ZNF333: variants seen among roughly 807,000 people sequenced by gnomAD.
ZNF333 encodes the protein zinc finger protein 333.
ZNF333 carries 61 observed loss-of-function variants against 76.1 expected under a neutral mutation model. The ratio of observed to expected loss-of-function variants is 0.80; its 90% CI spans 0.65 to 0.99. The LOEUF is 0.99. Ranked by LOEUF, ZNF333 falls within the 50% of genes least tolerant of loss-of-function variation. ZNF333 has a pLI of 0.00. For missense variants in ZNF333, 717 were observed against 822.4 expected (o/e 0.87, Z 1.57); for synonymous variants, 284 against 305.0 (o/e 0.93, Z 0.72).
chr19:14,701,662 T>C, intron 5 of ZNF333: 1 of 985,346 alleles, frequency 1.0e-6, no homozygotes, highest in Non-Finnish European at 1.2e-6. Context: ...TTCTGTGGGC[T>C]CTCTCCTTTC....
intron 7 of ZNF333, among the ~76,000 whole-genome samples, chr19:14,714,007 G>T (rs1314805353): frequency 6.6e-6 from 1 of 152,128 alleles, no homozygotes; most frequent in Non-Finnish European, 1.5e-5. Flanking sequence ...GCACACATCA[G>T]TGGGATTTCC....
chr19:14,727,176 C>A (rs779197317), intron 11 of ZNF333, among the ~76,000 whole-genome samples: 4 of 151,904 alleles, frequency 2.6e-5, no homozygotes, highest in African/African-American at 9.7e-5. Flanking sequence ...TACAGGTGTC[C>A]GCCACCACGC....
chr19:14,727,112 C>T lies in ZNF333; in HGVS notation c.901-4063C>T, dbSNP rs543397767. Among the ~76,000 whole-genome samples the T allele has an allele frequency of 2.7e-5, 4 of 149,870 alleles. No homozygotes were observed. In the East Asian group the frequency reaches 7.8e-4, roughly 29 times the overall value. On this transcript the variant is annotated intron_variant, in intron 11 of 11. Transcript: ENST00000540689. ...GCGCAATCTTGGCTCACTACAAGCT[C>T]CGCCTCCTGGGTTCACACCATTCTC...
In ZNF333 at chr19:14,719,517, G is replaced by A. The variant is rs1028617585; in HGVS notation, c.*192G>A. 33 of 1,073,208 alleles carry A rather than the reference G, an allele frequency of 3.1e-5. No individual in the cohort carries two copies. The highest frequency in any genetic ancestry group is 6.4e-5 in the African/African-American group (4 of 62,384). The allele number at this position is 1,073,208 out of a possible 1,614,324, so 66.5% of individuals were successfully genotyped here. ...TTAGATTTTTCAAAACTAATATGTG[G>A]ATATATTTTCATAGAGGTATAATGA... On this transcript the variant is annotated 3_prime_UTR_variant, in exon 12 of 12. Transcript: ENST00000292530.
At chr19:14,727,269 C>T (rs965593632) in intron 11 of ZNF333, among the ~76,000 whole-genome samples, 3 of 152,110 alleles carry the variant, frequency 2.0e-5, no homozygotes, top group Non-Finnish European at 4.4e-5. Context: ...ACCTTGTGAT[C>T]CGCCCGCCTT....
chr19:14,716,211 G>A lies in ZNF333; in HGVS notation c.700G>A (p.Glu234Lys), dbSNP rs1287341729. ...QRSLYRDVML[E>K]NYRNLASVAD... ...GAGCCTGTATAGAGATGTGATGCTG[G>A]AGAACTACAGGAACCTGGCCTCTGT... is the stretch of plus-strand genomic sequence containing the variant. The change falls in exon 9 of 12, where the codon GAG (glutamate) becomes AAG (lysine). Residue 234 changes from glutamate to lysine, a missense_variant. By Grantham distance (56) the Glu-to-Lys change is moderately conservative (BLOSUM62 1). Transcript: ENST00000292530. The A allele has an allele frequency of 6.2e-7, 1 of 1,613,922 alleles. No homozygotes were observed. Among genetic ancestry groups the A allele is most frequent in the African/African-American group, 1.3e-5 (1 of 74,892 alleles).
At chr19:14,698,569 G>C (rs1403233009) in intron 4 of ZNF333, among the ~76,000 whole-genome samples, 1 of 150,684 alleles carries the variant, frequency 6.6e-6, no homozygotes, top group East Asian at 2.0e-4. Context: ...AAGAAAACAT[G>C]TGGCTCATGC....
chr19:14,696,974 TG>T (rs1262484800), intron 4 of ZNF333, among the ~76,000 whole-genome samples: 1 of 152,082 alleles, frequency 6.6e-6, no homozygotes, highest in African/African-American at 2.4e-5. Context: ...CCTCATCTCG[TG>T]GTCCACCCAC....
At position 14,698,136 on chromosome 19, in the gene ZNF333, G is replaced by A. The variant is rs537696830; in HGVS notation, c.224-1063G>A. 1.6e-4 allele frequency among the ~76,000 whole-genome samples: 24 copies of A among 150,690 alleles called. No homozygotes were observed. The East Asian group carries it at 3.2e-3, about 20-fold the overall frequency. ...CATGGTGGCTCATGCCTGCAGTCCC[G>A]GCACTTTGGGTGGATCACTTCAGGT... On this transcript the variant is annotated intron_variant, in intron 4 of 11. Transcript: ENST00000292530.
intron 10 of ZNF333, 47 bp from the exon 11 acceptor site, chr19:14,717,610 G>GT: frequency 3.8e-6 from 6 of 1,566,846 alleles, no homozygotes; most frequent in Non-Finnish European, 5.3e-6. Flanking sequence ...TGATCCCACA[G>GT]TTTCTTTCTC....
chr19:14,723,448 T>G (rs1260909778), downstream of ZNF333, among the ~76,000 whole-genome samples: 1 of 152,252 alleles, frequency 6.6e-6, no homozygotes, highest in Non-Finnish European at 1.5e-5. Flanking sequence ...ATGGATATTT[T>G]TCTGTTTCTG....
intron 11 of ZNF333, among the ~76,000 whole-genome samples, chr19:14,730,782 G>A (rs1033131917): frequency 6.6e-6 from 1 of 151,570 alleles, no homozygotes; most frequent in Non-Finnish European, 1.5e-5. Context: ...TACCTGATAG[G>A]TAGTTTTTCA....
chr19:14,728,318 G>C (rs1311085696), intron 11 of ZNF333, among the ~76,000 whole-genome samples: 1 of 152,218 alleles, frequency 6.6e-6, no homozygotes, highest in African/African-American at 2.4e-5. Flanking sequence ...ACAGGCTGAA[G>C]ACAGAAACCT....
At chr19:14,717,411 T>A in intron 10 of ZNF333, 1 of 555,258 alleles carries the variant, frequency 1.8e-6, no homozygotes, top group Non-Finnish European at 3.2e-6. Flanking sequence ...GTAGAATCCT[T>A]TTTTGGTAAA....
chr19:14,698,941 C>CAT (rs1555771122), intron 4 of ZNF333, among the ~76,000 whole-genome samples: 1 of 133,158 alleles, frequency 7.5e-6, no homozygotes, highest in Non-Finnish European at 1.6e-5. Context: ...TATATACACA[C>CAT]ATATATATTT....
Position 14,721,119 on chromosome 19 carries a change from C to T in ZNF333, c.*1794C>T, listed in dbSNP as rs2042574624. ...TGCATCTTTTAATTTAGTCCTCACA[C>T]TGACACTTTGAGGTATGTACTGTTA... On this transcript the variant is annotated 3_prime_UTR_variant, in exon 12 of 12. Transcript: ENST00000292530. 2 of 351,192 alleles carry T rather than the reference C, an allele frequency of 5.7e-6. 1 individual carries two copies. Among genetic ancestry groups the T allele is most frequent in the South Asian group, 2.3e-4 (2 of 8,520 alleles). 21.8% of individuals were successfully genotyped at this position (351,192 alleles called of 1,614,324 possible).
intron 4 of ZNF333, among the ~76,000 whole-genome samples, chr19:14,697,282 G>T (rs1424406999): frequency 6.6e-6 from 1 of 151,542 alleles, no homozygotes; most frequent in Non-Finnish European, 1.5e-5. Flanking sequence ...ATAGACAGTT[G>T]GATTGTTTCT....
chr19:14,699,409 C>CTGAG, intron 5 of ZNF333, 128 bp downstream of exon 5: 1 of 794,386 alleles, frequency 1.3e-6, no homozygotes, highest in Non-Finnish European at 2.1e-6. Context: ...GAAACAGTGT[C>CTGAG]TGAGGGGAGT....
chr19:14,696,146 G>A (rs1327643003), intron 4 of ZNF333, among the ~76,000 whole-genome samples: 2 of 152,162 alleles, frequency 1.3e-5, no homozygotes, highest in Admixed American at 6.5e-5. Context: ...ACTCCAGCCT[G>A]GGGGATAGAG....
Sources: gnomAD v4.1 joint callset for allele counts (sites outside exome capture counted in the v4.1 genomes callset) on GRCh38, gnomAD v4.1.1 for gene constraint, MANE v1.5 for transcripts, NCBI Gene and HGNC (gene_info 2026-07-23, HGNC 2026-07-21) for gene names.